Variants in CELF2 observed in about 807,000 individuals in gnomAD.
The protein encoded by CELF2 is CUG triplet repeat RNA-binding protein 2.
A neutral mutation model predicts 62.6 loss-of-function variants in CELF2; 8 were observed. The observed-to-expected ratio is 0.13, with a 90% CI of 0.07 to 0.23. The LOEUF is 0.23. Among genes scored for constraint, CELF2 ranks in the 10% least tolerant of loss-of-function variants. The pLI, the probability that CELF2 is intolerant of heterozygous loss-of-function variation, is 1.00. For synonymous variants in CELF2, 258 were observed against 250.0 expected, an observed-to-expected ratio of 1.03 and a Z score of -0.30; for missense variants, 333 against 671.0, an observed-to-expected ratio of 0.50 and a Z score of 5.56.
chr10:11,254,489 T>G (rs1432379646), intron 4 of CELF2, among the ~76,000 whole-genome samples: 1 of 152,236 alleles, frequency 6.6e-6, no homozygotes, highest in Non-Finnish European at 1.5e-5. Flanking sequence ...CCTGGCTGAG[T>G]TGACCTTGAG....
intron 2 of CELF2, chr10:10,944,397 C>T (rs1036999592): frequency 6.6e-6 from 1 of 152,620 alleles, no homozygotes; most frequent in African/African-American, 2.4e-5. Context: ...CACTAAGGAT[C>T]AGGTGAAAGC....
At chr10:10,941,789 T>C (rs1469782289) in intron 2 of CELF2, among the ~76,000 whole-genome samples, 1 of 152,008 alleles carries the variant, frequency 6.6e-6, no homozygotes, top group African/African-American at 2.4e-5. Context: ...AGGTCAGGAG[T>C]TTGAGACCAG....
At chr10:11,304,699 C>T (rs1434426091) in intron 9 of CELF2, among the ~76,000 whole-genome samples, 1 of 152,188 alleles carries the variant, frequency 6.6e-6, no homozygotes, top group Non-Finnish European at 1.5e-5. Flanking sequence ...TTAATGAGGG[C>T]AGAGCCTTCA....
chr10:10,958,037 CGTAA>C (rs1056991815), intron 2 of CELF2, among the ~76,000 whole-genome samples: 18 of 152,052 alleles, frequency 1.2e-4, no homozygotes, highest in African/African-American at 3.1e-4. Flanking sequence ...GTTCTTTAGG[CGTAA>C]GTAAGTGAGT....
upstream of CELF2, chr10:10,798,522 A>C: frequency 2.6e-6 from 1 of 379,806 alleles, no homozygotes; most frequent in Non-Finnish European, 4.7e-6. Context: ...AAATTTGATC[A>C]GTTGGAGCAG....
intron 1 of CELF2, among the ~76,000 whole-genome samples, chr10:10,832,666 G>C (rs942340055): frequency 1.3e-5 from 2 of 152,126 alleles, no homozygotes; most frequent in Non-Finnish European, 2.9e-5. Flanking sequence ...GATTCAGGGC[G>C]GAAATCCCAT....
chr10:10,538,246 G>A, the CELF2 span, among the ~76,000 whole-genome samples: 8 of 150,480 alleles, frequency 5.3e-5, no homozygotes, highest in Non-Finnish European at 8.9e-5. Context: ...CCGCCCCCAT[G>A]TCTCCTTCCT....
At chr10:11,262,041 T>C (rs1182555274) in intron 5 of CELF2, among the ~76,000 whole-genome samples, 1 of 152,134 alleles carries the variant, frequency 6.6e-6, no homozygotes, top group Non-Finnish European at 1.5e-5. Flanking sequence ...GAGTTTAATT[T>C]TTTTCCCCCC....
chr10:10,588,257 C>A, the CELF2 span, among the ~76,000 whole-genome samples: 1 of 152,104 alleles, frequency 6.6e-6, no homozygotes, highest in Non-Finnish European at 1.5e-5. Flanking sequence ...GAACTTGGAG[C>A]CACAGGAGAG....
intron 2 of CELF2, among the ~76,000 whole-genome samples, chr10:11,215,078 G>T (rs749108806): frequency 6.6e-6 from 1 of 152,178 alleles, no homozygotes; most frequent in South Asian, 2.1e-4. Flanking sequence ...CTTTAAAGTA[G>T]CTAAAATCAC....
chr10:10,516,428 T>C, the CELF2 span, among the ~76,000 whole-genome samples: 1 of 152,240 alleles, frequency 6.6e-6, no homozygotes, highest in South Asian at 2.1e-4. Flanking sequence ...GCTAAATTGC[T>C]ACTGTTTATT....
the CELF2 span, among the ~76,000 whole-genome samples, chr10:10,752,292 G>C: frequency 6.6e-6 from 1 of 152,202 alleles, no homozygotes; most frequent in African/African-American, 2.4e-5. Flanking sequence ...TTATGTCTAA[G>C]ATGCCAGTAG....
the CELF2 span, among the ~76,000 whole-genome samples, chr10:10,791,367 C>T: frequency 6.6e-6 from 1 of 150,798 alleles, no homozygotes; most frequent in Non-Finnish European, 1.5e-5. Flanking sequence ...AGCCGGGGTA[C>T]AGCTACCAAT....
intron 1 of CELF2, among the ~76,000 whole-genome samples, chr10:11,076,160 T>A (rs2071856016): frequency 6.6e-6 from 1 of 151,902 alleles, no homozygotes; most frequent in South Asian, 2.1e-4. Flanking sequence ...TGGTCATACA[T>A]GGGGGAAGCT....
In CELF2 at chr10:11,211,964, A is replaced by G. The variant is rs1296542298; in HGVS notation, c.272-5461A>G. On this transcript the variant is annotated intron_variant, in intron 2 of 12. Coordinates refer to ENST00000633077, the MANE Select transcript of CELF2 (RefSeq NM_001326342.2). The surrounding 1 kb of genome is among the most constrained non-coding windows in gnomAD (Gnocchi z 4.8). ...GGCAAAATACCTGAGGGAACTCTTC[A>G]TGACAGCAGAAACTATTAGTGAAAA... Among the ~76,000 whole-genome samples the G allele has an allele frequency of 5.3e-5, 8 of 152,110 alleles. No homozygotes were observed. The highest frequency in any genetic ancestry group is 1.2e-4 in the Non-Finnish European group (8 of 68,036).
intron 1 of CELF2, among the ~76,000 whole-genome samples, chr10:11,036,952 G>T (rs947507879): frequency 6.6e-6 from 1 of 152,104 alleles, no homozygotes; most frequent in African/African-American, 2.4e-5. Flanking sequence ...CTTTCTTCCA[G>T]CCTCCTGACT....
intron 1 of CELF2, among the ~76,000 whole-genome samples, chr10:11,084,531 A>G (rs10490957): frequency 6.6e-6 from 1 of 152,294 alleles, no homozygotes; most frequent in South Asian, 2.1e-4. Flanking sequence ...TTCAAGAAAG[A>G]TGGACAGTAT....
chr10:10,621,041 G>A, the CELF2 span, among the ~76,000 whole-genome samples: 1 of 150,342 alleles, frequency 6.7e-6, no homozygotes, highest in South Asian at 2.1e-4. Flanking sequence ...GGCTAACACG[G>A]TGAAACCCCG....
chr10:11,103,324 A>G (rs1053824514), intron 1 of CELF2, among the ~76,000 whole-genome samples: 3 of 129,288 alleles, frequency 2.3e-5, no homozygotes. Flanking sequence ...TTTCTTGTAC[A>G]TTATGGATTT....
Sources: gnomAD v4.1 joint callset for allele counts (sites outside exome capture counted in the v4.1 genomes callset) on GRCh38, gnomAD v4.1.1 for gene constraint, Gnocchi (gnomAD v3.1) non-coding constraint, MANE v1.5 for transcripts, NCBI Gene and HGNC (gene_info 2026-07-23, HGNC 2026-07-21) for gene names.